UNC13A: variants seen among roughly 807,000 people sequenced by gnomAD.
UNC13A encodes the protein protein unc-13 homolog A.
In UNC13A, 61 loss-of-function variants were observed where a neutral mutation model predicts 219.7. The observed-to-expected ratio is 0.28, with a 90% CI of 0.23 to 0.34. UNC13A has a LOEUF of 0.34. UNC13A is among the 10% of genes least tolerant of loss of function. The probability of loss-of-function intolerance (pLI) is 1.00; values close to 1 mark genes in which losing one functional copy is unlikely to be tolerated. For synonymous variants in UNC13A, 920 were observed against 884.6 expected, an observed-to-expected ratio of 1.04 and a Z score of -0.71; for missense variants, 1,476 against 2,270.3, an observed-to-expected ratio of 0.65 and a Z score of 7.11.
rs1048185459 is a variant in UNC13A, at chr19:17,605,804, T to C, written c.*250A>G. ...AAATGCCCCCTAGGTGCTGGGGGCGTGGCCTCAAGTTGGGGATGTGGCTCC... is the reference window on the plus strand; with the variant it reads ...AAATGCCCCCTAGGTGCTGGGGGCGCGGCCTCAAGTTGGGGATGTGGCTCC... On this transcript the variant is annotated 3_prime_UTR_variant, in exon 44 of 44. Coordinates refer to ENST00000519716, the MANE Select transcript of UNC13A (RefSeq NM_001080421.3). 4 of 435,706 alleles carry C rather than the reference T, an allele frequency of 9.2e-6. No homozygotes were observed. The highest frequency in any genetic ancestry group is 4.5e-5 in the Admixed American group (1 of 22,032). The allele number at this position is 435,706 out of a possible 1,614,324, so 27.0% of individuals were successfully genotyped here.
rs547586209 is a variant in UNC13A, at chr19:17,630,183, G to C, written c.3631C>G (p.Pro1211Ala). ...EIIKKLECPD[P>A]QIVGHYMRRF... ...CTCATGTAGTGCCCCACGATCTGAG[G>C]GTCGGGACACTCGAGTTTCTTGATG... The change falls in exon 30 of 44, where the codon CCT becomes GCT. Residue 1211 changes from proline (P) to alanine (A), a missense_variant. Pro to Ala is a conservative substitution (Grantham distance 27, BLOSUM62 -1). Coordinates refer to ENST00000519716, the MANE Select transcript of UNC13A (RefSeq NM_001080421.3). 1 of 1,552,214 alleles carries C rather than the reference G, an allele frequency of 6.4e-7. No homozygotes were observed. The highest frequency in any genetic ancestry group is 1.2e-5 in the South Asian group (1 of 84,064).
At chr19:17,655,188 G>T in intron 11 of UNC13A, 86 bp downstream of exon 11, 1 of 1,116,340 alleles carries the variant, frequency 9.0e-7, no homozygotes, top group Non-Finnish European at 1.3e-6. Flanking sequence ...CAATATAGGT[G>T]TGGGTGTGGC....
At chr19:17,666,378 A>G (rs1339662728) in intron 7 of UNC13A, among the ~76,000 whole-genome samples, 2 of 151,194 alleles carry the variant, frequency 1.3e-5, no homozygotes, top group Non-Finnish European at 1.5e-5. Flanking sequence ...ATGCCTGTTC[A>G]TTTTTTTTGT....
intron 11 of UNC13A, among the ~76,000 whole-genome samples, chr19:17,653,645 G>T (rs976987156): frequency 2.6e-5 from 4 of 151,176 alleles, no homozygotes; most frequent in Non-Finnish European, 5.9e-5. Flanking sequence ...CACTGCATCC[G>T]GCTCTGAAAT....
intron 25 of UNC13A, among the ~76,000 whole-genome samples, chr19:17,637,811 T>C (rs902839799): frequency 2.5e-5 from 1 of 40,470 alleles, no homozygotes; most frequent in African/African-American, 1.2e-4. Flanking sequence ...TATCAGAACC[T>C]GGGTAGGGGC....
At chr19:17,618,395 G>T in intron 40 of UNC13A, 26 bp downstream of exon 40, 1 of 1,558,812 alleles carries the variant, frequency 6.4e-7, no homozygotes, top group Non-Finnish European at 8.7e-7. Context: ...CCCCCACCTG[G>T]GATGGGGAGG....
In UNC13A at chr19:17,621,817, C is replaced by G. The variant is rs769373260; in HGVS notation, c.4242+15G>C. 1 of 1,613,066 alleles carries G rather than the reference C, an allele frequency of 6.2e-7. No individual in the cohort carries two copies. The highest frequency in any genetic ancestry group is 8.5e-7 in the Non-Finnish European group (1 of 1,179,062). On this transcript the variant is annotated intron_variant, in intron 37 of 43. Transcript: ENST00000519716. ...ACTGGAGCTCAGGGCCTCAGTGAGA[C>G]GAGGCCCTCATTACCTTTTCTAATC...
intron 11 of UNC13A, among the ~76,000 whole-genome samples, chr19:17,653,275 C>T (rs2079384815): frequency 6.6e-6 from 1 of 151,928 alleles, no homozygotes; most frequent in South Asian, 2.1e-4. Flanking sequence ...CTGCTTCAGC[C>T]TCCTGAGTAG....
At position 17,649,496 on chromosome 19, in the gene UNC13A, C is replaced by T. The variant is rs1369687573; in HGVS notation, c.1518+13G>A. ...CCTGCTCTGCTCAGGGAGTAAAGGG[C>T]GAGGGTGCTTACCAAGTCGCTCACG... is the stretch of plus-strand genomic sequence containing the variant. On this transcript the variant is annotated intron_variant, in intron 13 of 43. Coordinates refer to ENST00000519716, the MANE Select transcript of UNC13A (RefSeq NM_001080421.3). This position sits in a 1 kb window ranked among gnomAD's most constrained non-coding sequence, Gnocchi z 4.4. The T allele has an allele frequency of 1.3e-5, 21 of 1,613,760 alleles. No individual in the cohort carries two copies. Among genetic ancestry groups the T allele is most frequent in the East Asian group, 1.1e-4 (5 of 44,890 alleles).
At position 17,674,546 on chromosome 19, in the gene UNC13A, G is replaced by T; in HGVS notation, c.152+111C>A. 1.2e-6 allele frequency: 1 copy of T among 857,640 alleles called. No individual in the cohort carries two copies. The highest frequency in any genetic ancestry group is 1.9e-6 in the Non-Finnish European group (1 of 527,260). 53.1% of individuals were successfully genotyped at this position (857,640 alleles called of 1,614,324 possible). On this transcript the variant is annotated intron_variant, in intron 3 of 43. Transcript: ENST00000519716. The surrounding 1 kb of genome is among the most constrained non-coding windows in gnomAD (Gnocchi z 5.0). ...GATAAGGTGGACAGGGGAAGAGGGA[G>T]GACAGAGGGGAGTCACCCGGGATTC... is the stretch of plus-strand genomic sequence containing the variant.
chr19:17,617,613 A>AG (rs1349791703), intron 41 of UNC13A, 89 bp downstream of exon 41: 8 of 1,550,810 alleles, frequency 5.2e-6, no homozygotes, highest in Non-Finnish European at 2.6e-6. Flanking sequence ...ATGACGTCAC[A>AG]GGGGAGTGAG....
At position 17,609,355 on chromosome 19, in the gene UNC13A, C is replaced by T. The variant is rs148438560; in HGVS notation, c.4811+585G>A. On this transcript the variant is annotated intron_variant, in intron 43 of 43. Transcript: ENST00000519716. The stretch of plus-strand genomic sequence containing the variant: ...CGCAGCCTAGGCCCACTCCCAACTC[C>T]AAGAACCTCCATCCAATGTGACCCC... 6.8e-4 allele frequency among the ~76,000 whole-genome samples: 104 copies of T among 152,074 alleles called. 1 individual carries two copies. The East Asian group carries it at 0.019, about 28-fold the overall frequency.
intron 43 of UNC13A, among the ~76,000 whole-genome samples, chr19:17,606,721 C>T (rs2076535563): frequency 6.6e-6 from 1 of 152,132 alleles, no homozygotes; most frequent in Admixed American, 6.5e-5. Flanking sequence ...GCTGCCCGCA[C>T]GGCCCTGCCC....
chr19:17,618,214 A>G (rs1221057422), intron 40 of UNC13A, among the ~76,000 whole-genome samples: 1 of 152,216 alleles, frequency 6.6e-6, no homozygotes, highest in African/African-American at 2.4e-5. Context: ...CAAGGCTGAG[A>G]ATGTCTGTAT....
At position 17,605,042 on chromosome 19, in the gene UNC13A, C is replaced by G. The variant is rs1287290244; in HGVS notation, c.*1012G>C. Reference sequence around the variant, plus strand: ...CCCTCATGGCATCCCCCATGGAGATCCCAGGAGAAAGGGCTGAGGGCAAAG... The same window carrying G: ...CCCTCATGGCATCCCCCATGGAGATGCCAGGAGAAAGGGCTGAGGGCAAAG... On this transcript the variant is annotated 3_prime_UTR_variant, in exon 44 of 44. Coordinates refer to ENST00000519716, the MANE Select transcript of UNC13A (RefSeq NM_001080421.3). 6.6e-6 allele frequency: 1 copy of G among 152,626 alleles called. No individual in the cohort carries two copies. Among genetic ancestry groups the G allele is most frequent in the Non-Finnish European group, 1.5e-5 (1 of 68,050 alleles). The allele number at this position is 152,626 out of a possible 1,614,324, so 9.5% of individuals were successfully genotyped here.
intron 41 of UNC13A, 59 bp downstream of exon 41, chr19:17,617,643 C>T (rs762646910): frequency 2.8e-4 from 453 of 1,595,306 alleles, no homozygotes; most frequent in Non-Finnish European, 3.6e-4. Context: ...GCCGTTCAGG[C>T]TTGGGGCGGG....
At chr19:17,642,031 T>TCC (rs1433089938) in intron 20 of UNC13A, among the ~76,000 whole-genome samples, 14 of 147,632 alleles carry the variant, frequency 9.5e-5, no homozygotes, top group East Asian at 1.9e-4. Context: ...CATCTGCCTA[T>TCC]ACATCCATCC....
chr19:17,649,800 C>G lies in UNC13A; in HGVS notation c.1440-213G>C, dbSNP rs2079311622. On this transcript the variant is annotated intron_variant, in intron 12 of 43. Coordinates refer to ENST00000519716, the MANE Select transcript of UNC13A (RefSeq NM_001080421.3). This position sits in a 1 kb window ranked among gnomAD's most constrained non-coding sequence, Gnocchi z 4.4. ...TGTAATTAGTTAAGATAAGGTCATACTGGAGTAGGGTAGACACTTAATCTA... is the reference window on the plus strand; with the variant it reads ...TGTAATTAGTTAAGATAAGGTCATAGTGGAGTAGGGTAGACACTTAATCTA... 6.6e-6 allele frequency among the ~76,000 whole-genome samples: 1 copy of G among 152,116 alleles called. No homozygotes were observed. Among genetic ancestry groups the G allele is most frequent in the African/African-American group, 2.4e-5 (1 of 41,410 alleles).
At chr19:17,653,919 C>T (rs540466751) in intron 11 of UNC13A, among the ~76,000 whole-genome samples, 16 of 149,136 alleles carry the variant, frequency 1.1e-4, no homozygotes, top group East Asian at 5.9e-4. Context: ...CTCCGCTTCC[C>T]GGGTTCACGC....
Sources: allele counts gnomAD v4.1 joint callset (sites outside exome capture counted in the v4.1 genomes callset), GRCh38; gene constraint gnomAD v4.1.1; non-coding constraint Gnocchi (gnomAD v3.1); transcripts MANE v1.5; gene names NCBI Gene and HGNC (gene_info 2026-07-23, HGNC 2026-07-21).